Variants in DNM3 observed in about 807,000 individuals in gnomAD.
DNM3 encodes the protein dynamin-3.
DNM3 carries 47 observed loss-of-function variants against 101.6 expected under a neutral mutation model. That is an observed-to-expected ratio of 0.46 (90% CI 0.37 to 0.59). DNM3 has a LOEUF of 0.59. Ranked by LOEUF, DNM3 falls within the 20% of genes least tolerant of loss-of-function variation. The pLI is 0.00. For synonymous variants in DNM3, 385 were observed against 387.9 expected, an observed-to-expected ratio of 0.99 and a Z score of 0.09; for missense variants, 849 against 1,085.7, an observed-to-expected ratio of 0.78 and a Z score of 3.06.
intron 14 of DNM3, among the ~76,000 whole-genome samples, chr1:172,170,862 T>G (rs2058931125): frequency 6.6e-6 from 1 of 151,800 alleles, no homozygotes. Context: ...ATTGCATTTC[T>G]GAGTTTCTAG....
At chr1:172,062,996 A>T (rs191045639) in intron 10 of DNM3, among the ~76,000 whole-genome samples, 11 of 152,334 alleles carry the variant, frequency 7.2e-5, no homozygotes, top group South Asian at 2.1e-4. Flanking sequence ...AAATGAAATT[A>T]AAAAATTGTA....
intron 4 of DNM3, among the ~76,000 whole-genome samples, chr1:172,006,073 G>C (rs1475164080): frequency 6.6e-6 from 1 of 152,042 alleles, no homozygotes; most frequent in East Asian, 1.9e-4. Context: ...TGTGTGTGGA[G>C]CTTGATTAGT....
intron 14 of DNM3, among the ~76,000 whole-genome samples, chr1:172,207,473 A>G (rs1459643586): frequency 6.6e-6 from 1 of 152,094 alleles, no homozygotes; most frequent in Non-Finnish European, 1.5e-5. Flanking sequence ...TTTTTGTTCT[A>G]GAAACATTTG....
At chr1:172,145,840 T>A (rs2057865192) in intron 14 of DNM3, among the ~76,000 whole-genome samples, 1 of 152,216 alleles carries the variant, frequency 6.6e-6, no homozygotes, top group Non-Finnish European at 1.5e-5. Context: ...TCTGGTTAAC[T>A]AAATCTGTTG....
Position 172,225,134 on chromosome 1 carries a change from CTT to C in DNM3, c.1660-28415_1660-28414del, listed in dbSNP as rs1168334078. On this transcript the variant is annotated intron_variant, in intron 14 of 20. Coordinates refer to ENST00000627582, the MANE Select transcript of DNM3 (RefSeq NM_015569.5). Reference sequence around the variant, plus strand: ...CATGTCCCTCCTGTTTCTTCTTCCTCTTTTTTTTTTTTTTTTTTTTTTTTTGA... The same window carrying C: ...CATGTCCCTCCTGTTTCTTCTTCCTCTTTTTTTTTTTTTTTTTTTTTTTGA... Among the ~76,000 whole-genome samples the C allele has an allele frequency of 1.7e-4, 11 of 65,526 alleles. 1 individual carries two copies. Among genetic ancestry groups the C allele is most frequent in the African/African-American group, 5.3e-4 (8 of 15,158 alleles). 43.0% of individuals were successfully genotyped at this position (65,526 alleles called of 152,430 possible).
At chr1:172,002,937 G>A (rs1316695923) in intron 4 of DNM3, among the ~76,000 whole-genome samples, 1 of 151,908 alleles carries the variant, frequency 6.6e-6, no homozygotes, top group Non-Finnish European at 1.5e-5. Flanking sequence ...TTTGCCACTG[G>A]GGGTCACTGT....
intron 1 of DNM3, among the ~76,000 whole-genome samples, chr1:171,882,454 C>G (rs1558207976): frequency 6.6e-6 from 1 of 151,490 alleles, no homozygotes; most frequent in African/African-American, 2.4e-5. Context: ...CACACACACA[C>G]ACACACACAC....
At chr1:172,418,132 G>A in intron 20 of DNM3, 6 of 547,042 alleles carry the variant, frequency 1.1e-5, no homozygotes, top group South Asian at 9.9e-5. Context: ...ATGTCTGCAT[G>A]TTTTTGTGTG....
chr1:171,967,832 C>T (rs2043697416), intron 2 of DNM3, among the ~76,000 whole-genome samples: 1 of 152,152 alleles, frequency 6.6e-6, no homozygotes, highest in African/African-American at 2.4e-5. Flanking sequence ...CAATCATTTA[C>T]AAAATAATAT....
intron 2 of DNM3, among the ~76,000 whole-genome samples, chr1:171,930,190 A>T (rs532666447): frequency 2.5e-4 from 38 of 152,178 alleles, no homozygotes; most frequent in African/African-American, 8.9e-4. Flanking sequence ...CAAAGTCTGA[A>T]GGCTGGAATG....
At chr1:171,927,361 G>T (rs1458113831) in intron 2 of DNM3, among the ~76,000 whole-genome samples, 1 of 151,844 alleles carries the variant, frequency 6.6e-6, no homozygotes, top group Non-Finnish European at 1.5e-5. Flanking sequence ...AGTAAGCCCA[G>T]TGCTCAAGTT....
intron 4 of DNM3, among the ~76,000 whole-genome samples, chr1:171,998,935 G>T (rs2046188334): frequency 6.6e-6 from 1 of 152,096 alleles, no homozygotes; most frequent in Non-Finnish European, 1.5e-5. Flanking sequence ...GAACTCAGCA[G>T]AAAAGTGTGG....
chr1:172,377,553 CATATATATATAT>C (rs34612864), intron 17 of DNM3, among the ~76,000 whole-genome samples: 16 of 123,416 alleles, frequency 1.3e-4, no homozygotes, highest in African/African-American at 3.5e-4. Flanking sequence ...TGATATATAT[CATATATATATAT>C]ATATATATAT....
At chr1:171,940,663 AAG>A (rs1487116433) in intron 2 of DNM3, among the ~76,000 whole-genome samples, 4 of 152,178 alleles carry the variant, frequency 2.6e-5, no homozygotes, top group Admixed American at 2.6e-4. Flanking sequence ...CTGTTCTTGG[AAG>A]AGTCTTTAAT....
Position 172,017,232 on chromosome 1 carries a change from C to T in DNM3, c.590-15170C>T, listed in dbSNP as rs573660038. ...CTGCTCTAGTTCTTATTATTTCTTT[C>T]ATTTCCTTACTTTGGATTTAATTTG... is the stretch of plus-strand genomic sequence containing the variant. On this transcript the variant is annotated intron_variant, in intron 4 of 20. Coordinates refer to ENST00000627582, the MANE Select transcript of DNM3 (RefSeq NM_015569.5). Among the ~76,000 whole-genome samples the T allele has an allele frequency of 2.0e-5, 3 of 152,176 alleles. No individual in the cohort carries two copies. In the South Asian group the frequency reaches 6.2e-4, roughly 32 times the overall value.
At chr1:172,080,035 G>A (rs953962846) in intron 11 of DNM3, among the ~76,000 whole-genome samples, 1 of 152,106 alleles carries the variant, frequency 6.6e-6, no homozygotes, top group Non-Finnish European at 1.5e-5. Context: ...CCAGCCGGGG[G>A]TCTCCTGTAT....
chr1:172,065,107 T>G (rs188580902), intron 10 of DNM3, among the ~76,000 whole-genome samples: 329 of 152,320 alleles, frequency 2.2e-3, no homozygotes, highest in African/African-American at 7.7e-3. Flanking sequence ...CATGGGATAT[T>G]CTTGTCATTT....
intron 17 of DNM3, among the ~76,000 whole-genome samples, chr1:172,351,401 AT>A (rs1231230518): frequency 1.1e-4 from 17 of 152,256 alleles, no homozygotes; most frequent in Middle Eastern, 3.4e-3. Context: ...AAATACTAGG[AT>A]TTTTTAAAGT....
chr1:171,917,727 G>A (rs1357960613), intron 1 of DNM3, among the ~76,000 whole-genome samples: 2 of 152,030 alleles, frequency 1.3e-5, no homozygotes, highest in South Asian at 4.1e-4. Flanking sequence ...GGTACATTTT[G>A]CAGGAAAAAT....
Sources: allele counts gnomAD v4.1 joint callset (sites outside exome capture counted in the v4.1 genomes callset), GRCh38; gene constraint gnomAD v4.1.1; transcripts MANE v1.5; gene names NCBI Gene and HGNC (gene_info 2026-07-23, HGNC 2026-07-21).